Variants in DDX1 observed in about 807,000 individuals in gnomAD.
DDX1 encodes the protein DEAD-box helicase 1, also known as ATP-dependent RNA helicase DDX1.
Under a neutral mutation model 108.7 loss-of-function variants are expected in DDX1, and 28 were observed. The observed-to-expected ratio is 0.26, with a 90% CI of 0.19 to 0.35. DDX1 has a LOEUF of 0.35. DDX1 is among the 10% of genes least tolerant of loss of function. DDX1 has a pLI of 1.00. For missense variants in DDX1, 710 were observed against 884.5 expected (o/e 0.80, Z 2.50); for synonymous variants, 295 against 288.9 (o/e 1.02, Z -0.21).
chr2:15,627,730 G>A (rs1666124700), intron 20 of DDX1, among the ~76,000 whole-genome samples: 2 of 152,150 alleles, frequency 1.3e-5, no homozygotes, highest in African/African-American at 4.8e-5. Context: ...TATAGCATAA[G>A]TATCATTTTC....
chr2:15,605,220 G>A (rs1665644105), intron 10 of DDX1, among the ~76,000 whole-genome samples: 1 of 152,118 alleles, frequency 6.6e-6, no homozygotes, highest in Non-Finnish European at 1.5e-5. Flanking sequence ...GGAGGGTGGG[G>A]TGAGATTGCC....
intron 14 of DDX1, among the ~76,000 whole-genome samples, chr2:15,613,572 T>C (rs7573242): frequency 0.24 from 36,962 of 152,090 alleles, 4,696 homozygotes; most frequent in Admixed American, 0.3. Flanking sequence ...GTCATTCTTT[T>C]TGGGGAGATA....
intron 6 of DDX1, among the ~76,000 whole-genome samples, chr2:15,601,516 A>T (rs1475207341): frequency 2.0e-5 from 3 of 152,178 alleles, no homozygotes; most frequent in Non-Finnish European, 2.9e-5. Context: ...ACTCGGGGAA[A>T]TATGTTTACT....
At chr2:15,621,934 G>A (rs148738560) in intron 18 of DDX1, among the ~76,000 whole-genome samples, 4 of 152,302 alleles carry the variant, frequency 2.6e-5, no homozygotes, top group Non-Finnish European at 4.4e-5. Flanking sequence ...GATTATAGGC[G>A]TGAGCCACTG....
At chr2:15,611,972 A>C (rs78704851) in intron 13 of DDX1, among the ~76,000 whole-genome samples, 437 of 54,942 alleles carry the variant, frequency 8.0e-3, no homozygotes, top group Admixed American at 9.0e-3. Context: ...GGCTGACCCC[A>C]CCACCTCCCT....
At chr2:15,613,790 G>A (rs1237631609) in intron 14 of DDX1, among the ~76,000 whole-genome samples, 1 of 151,760 alleles carries the variant, frequency 6.6e-6, no homozygotes, top group East Asian at 1.9e-4. Context: ...GAAGGACAAA[G>A]CTAAGAGGAT....
intron 8 of DDX1, 21 bp downstream of exon 8, chr2:15,603,296 T>G (rs994524443): frequency 3.4e-6 from 5 of 1,454,692 alleles, no homozygotes; most frequent in Non-Finnish European, 4.8e-6. Context: ...CTAAAATAAC[T>G]GAATTGATTG....
At chr2:15,629,412 G>C (rs1253318453) in intron 23 of DDX1, among the ~76,000 whole-genome samples, 190 bp from the exon 24 acceptor site, 2 of 152,040 alleles carry the variant, frequency 1.3e-5, no homozygotes, top group African/African-American at 4.8e-5. Context: ...TTCTCAAAAA[G>C]AACTTTTTCA....
intron 23 of DDX1, 123 bp from the exon 24 acceptor site, chr2:15,629,479 A>C: frequency 1.5e-6 from 1 of 659,472 alleles, no homozygotes; most frequent in East Asian, 3.2e-5. Flanking sequence ...ATGATATATC[A>C]TACCTATAAT....
intron 14 of DDX1, among the ~76,000 whole-genome samples, chr2:15,615,908 T>A (rs1665885817): frequency 6.6e-6 from 1 of 152,228 alleles, no homozygotes; most frequent in Middle Eastern, 3.4e-3. Flanking sequence ...TTATTTATTT[T>A]TGGAGATGGA....
In DDX1 at chr2:15,628,509, T is replaced by C; in HGVS notation, c.1751T>C (p.Val584Ala). The change falls in exon 21 of 26, where the codon GTT becomes GCT. Residue 584 changes from valine to alanine, a missense_variant. Val to Ala is a moderately conservative substitution (Grantham distance 64). Coordinates refer to ENST00000233084, the MANE Select transcript of DDX1 (RefSeq NM_004939.3). ...VAARGIDIHG[V>A]PYVINVTLPD... ...GCTAGAGGAATTGATATCCACGGTG[T>C]TCCTTATGGTAAAAAGCAACTTTTT... is the stretch of plus-strand genomic sequence containing the variant. 6.2e-7 allele frequency: 1 copy of C among 1,613,004 alleles called. No homozygotes were observed. Among genetic ancestry groups the C allele is most frequent in the Non-Finnish European group, 8.5e-7 (1 of 1,179,056 alleles).
chr2:15,617,203 TTC>T (rs774055054), intron 14 of DDX1, 39 bp from the exon 15 acceptor site: 2 of 1,073,714 alleles, frequency 1.9e-6, no homozygotes, highest in Non-Finnish European at 2.8e-6. Flanking sequence ...ATTATACTGT[TTC>T]TTTAGTTTTC....
intron 13 of DDX1, among the ~76,000 whole-genome samples, chr2:15,612,842 C>CA (rs1397219845): frequency 5.9e-5 from 9 of 152,066 alleles, no homozygotes; most frequent in Admixed American, 3.9e-4. Flanking sequence ...CCGTCTCCAC[C>CA]AAAAAAATAC....
At chr2:15,612,131 C>CG (rs1248242721) in intron 13 of DDX1, among the ~76,000 whole-genome samples, 9 of 139,350 alleles carry the variant, frequency 6.5e-5, no homozygotes, top group African/African-American at 2.5e-4. Context: ...GCTGGCCGGG[C>CG]GGGGGGCTGA....
intron 13 of DDX1, among the ~76,000 whole-genome samples, chr2:15,608,970 C>T (rs985343838): frequency 3.6e-5 from 5 of 140,598 alleles, no homozygotes; most frequent in Non-Finnish European, 1.5e-5. Context: ...AAATGTTCAT[C>T]TACCTTCCAT....
rs944100060 is a variant in DDX1, at chr2:15,603,984, C to A, written c.552+94C>A. The A allele has an allele frequency of 1.7e-5, 13 of 766,138 alleles. No individual in the cohort carries two copies. In the African/African-American group the frequency reaches 2.0e-4, roughly 12 times the overall value. The allele number at this position is 766,138 out of a possible 1,614,324, so 47.5% of individuals were successfully genotyped here. ...AGAATGAGGGTATACAAATGATTCT[C>A]AAAATGAGCAGATTTTCTGTATATT... is the stretch of plus-strand genomic sequence containing the variant. On this transcript the variant is annotated intron_variant, in intron 9 of 25. Transcript: ENST00000233084.
chr2:15,596,313 G>A (rs1309129108), intron 3 of DDX1, among the ~76,000 whole-genome samples: 1 of 152,188 alleles, frequency 6.6e-6, no homozygotes, highest in Non-Finnish European at 1.5e-5. Flanking sequence ...TCTGAGGGGG[G>A]ATAAACTTGA....
Position 15,615,346 on chromosome 2 carries a change from T to C in DDX1, c.1018-1898T>C, listed in dbSNP as rs534168888. On this transcript the variant is annotated intron_variant, in intron 14 of 25. Transcript: ENST00000233084. ...ACCCTGAGAGGCCTTGTGTCTGTCT[T>C]CATGCCCACTTTACCTGCTGAAATT... is the stretch of plus-strand genomic sequence containing the variant. Among the ~76,000 whole-genome samples, 65 of 152,330 alleles carry C rather than the reference T, an allele frequency of 4.3e-4. 1 individual carries two copies. The highest frequency in any genetic ancestry group is 1.5e-3 in the African/African-American group (64 of 41,566).
At chr2:15,612,475 T>C (rs1665790987) in intron 13 of DDX1, among the ~76,000 whole-genome samples, 1 of 149,104 alleles carries the variant, frequency 6.7e-6, no homozygotes, top group African/African-American at 2.5e-5. Flanking sequence ...TGCTCCTCAC[T>C]TCCTAGATGG....
Sources: allele counts gnomAD v4.1 joint callset (sites outside exome capture counted in the v4.1 genomes callset), GRCh38; gene constraint gnomAD v4.1.1; transcripts MANE v1.5; gene names NCBI Gene and HGNC (gene_info 2026-07-23, HGNC 2026-07-21).